Variants in ARL13B observed in about 807,000 individuals in gnomAD.
ARL13B encodes the protein ARF like GTPase 13B.
A neutral mutation model predicts 56.1 loss-of-function variants in ARL13B; 36 were observed. The observed-to-expected ratio is 0.64, with a 90% confidence interval of 0.49 to 0.85. The LOEUF (loss-of-function observed/expected upper bound fraction) is 0.85, where lower values mean the gene tolerates loss of function less well. Ranked by LOEUF, ARL13B falls within the 40% of genes least tolerant of loss-of-function variation. The pLI is 0.00. For synonymous variants in ARL13B, 178 were observed against 171.1 expected (o/e 1.04, Z -0.32); for missense variants, 519 against 507.1 (o/e 1.02, Z -0.23).
chr3:93,999,296 C>T (rs868518275), intron 2 of ARL13B, among the ~76,000 whole-genome samples: 2 of 151,730 alleles, frequency 1.3e-5, no homozygotes, highest in African/African-American at 2.4e-5. Flanking sequence ...GGCTGGAGTT[C>T]GGTGGCGTGA....
intron 8 of ARL13B, among the ~76,000 whole-genome samples, chr3:94,050,386 G>T (rs966797962): frequency 6.6e-6 from 1 of 151,988 alleles, no homozygotes; most frequent in Non-Finnish European, 1.5e-5. Context: ...CCTACTATAG[G>T]TGGTCAGTAA....
At chr3:94,042,018 C>T (rs1576039253) in intron 6 of ARL13B, among the ~76,000 whole-genome samples, 1 of 152,202 alleles carries the variant, frequency 6.6e-6, no homozygotes, top group East Asian at 1.9e-4. Context: ...GATCGTGCCA[C>T]TGCACTCCAG....
rs763612674 is a variant in ARL13B at position 94,039,981 on chromosome 3, T to C, written c.791T>C (p.Ile264Thr). The C allele has an allele frequency of 6.2e-7, 1 of 1,613,750 alleles. No homozygotes were observed. The highest frequency in any genetic ancestry group is 8.5e-7 in the Non-Finnish European group (1 of 1,179,750). ...TNPFQPIASV[I>T]IENEGKLERE... ...CCTTTCCAGCCAATAGCATCTGTAA[T>C]CATTGAGGTATGAATGATGGCAAAT... The change falls in exon 6 of 10, where the codon ATC (isoleucine) becomes ACC (threonine). Residue 264 changes from isoleucine (I) to threonine (T), a missense_variant. Transcript: ENST00000394222.
intron 1 of ARL13B, among the ~76,000 whole-genome samples, chr3:93,985,196 T>C (rs1710396801): frequency 6.6e-6 from 1 of 152,224 alleles, no homozygotes; most frequent in South Asian, 2.1e-4. Context: ...GCAATCTATT[T>C]AGCTTATAGG....
chr3:93,994,415 T>A (rs1222138273), intron 1 of ARL13B, among the ~76,000 whole-genome samples: 1 of 144,754 alleles, frequency 6.9e-6, no homozygotes, highest in African/African-American at 2.6e-5. Context: ...CTTGATCCCT[T>A]GTACCCTGCT....
intron 5 of ARL13B, 133 bp from the exon 6 acceptor site, chr3:94,039,747 C>T: frequency 1.4e-6 from 1 of 713,692 alleles, no homozygotes; most frequent in South Asian, 1.9e-5. Flanking sequence ...TTTTGAAATG[C>T]TCTCAGTAAT....
intron 5 of ARL13B, among the ~76,000 whole-genome samples, chr3:94,039,563 G>A (rs1217465725): frequency 6.6e-6 from 1 of 151,036 alleles, no homozygotes; most frequent in East Asian, 1.9e-4. Context: ...GGACAGCATT[G>A]ATTTTGGAGG....
At chr3:93,999,832 A>C (rs2076024760) in intron 2 of ARL13B, among the ~76,000 whole-genome samples, 1 of 152,238 alleles carries the variant, frequency 6.6e-6, no homozygotes, top group South Asian at 2.1e-4. Flanking sequence ...TGGTTCAACA[A>C]GATAGATGTT....
chr3:94,039,499 CAAAAA>C (rs11437061), intron 5 of ARL13B, among the ~76,000 whole-genome samples: 2 of 65,282 alleles, frequency 3.1e-5, no homozygotes. Flanking sequence ...GACTCCGACT[CAAAAA>C]AAAAAAAAAA....
At chr3:93,999,053 A>G (rs1196180490) in intron 2 of ARL13B, among the ~76,000 whole-genome samples, 1 of 150,584 alleles carries the variant, frequency 6.6e-6, no homozygotes, top group Non-Finnish European at 1.5e-5. Context: ...TCTTTTATCT[A>G]TGATGTCACA....
intron 6 of ARL13B, among the ~76,000 whole-genome samples, chr3:94,041,552 C>G (rs1247154361): frequency 6.6e-6 from 1 of 152,060 alleles, no homozygotes; most frequent in Non-Finnish European, 1.5e-5. Flanking sequence ...GTGGATAGAT[C>G]TTATACTACC....
At chr3:94,000,756 C>T (rs1198732252) in intron 2 of ARL13B, among the ~76,000 whole-genome samples, 1 of 151,888 alleles carries the variant, frequency 6.6e-6, no homozygotes, top group Non-Finnish European at 1.5e-5. Context: ...AAGAAATGCT[C>T]AAAAATTTAT....
At chr3:93,990,495 T>A (rs1044815202) in intron 1 of ARL13B, among the ~76,000 whole-genome samples, 5 of 152,186 alleles carry the variant, frequency 3.3e-5, no homozygotes, top group African/African-American at 1.2e-4. Flanking sequence ...ATAAAATATT[T>A]TAAATAATTT....
chr3:93,984,084 G>A (rs1443997365), intron 1 of ARL13B, among the ~76,000 whole-genome samples: 5 of 152,334 alleles, frequency 3.3e-5, no homozygotes, highest in East Asian at 1.9e-4. Context: ...GGCGGAGCAC[G>A]GTGGCTCACG....
intron 2 of ARL13B, chr3:93,996,574 C>G: frequency 4.9e-6 from 2 of 405,166 alleles, no homozygotes; most frequent in African/African-American, 2.1e-5. Context: ...GATGGGGTCT[C>G]CCTATGTTGC....
At chr3:93,996,530 TA>T in intron 2 of ARL13B, 1 of 296,350 alleles carries the variant, frequency 3.4e-6, no homozygotes, top group South Asian at 3.0e-5. Flanking sequence ...TTTTTTTTTT[TA>T]ATTTTTAATT....
intron 3 of ARL13B, among the ~76,000 whole-genome samples, chr3:94,023,798 A>G (rs2076500031): frequency 6.6e-6 from 1 of 152,064 alleles, no homozygotes; most frequent in African/African-American, 2.4e-5. Flanking sequence ...GTATTATGTT[A>G]CTAATATACA....
At chr3:93,996,412 A>G (rs1282293555) in intron 2 of ARL13B, 1 of 172,688 alleles carries the variant, frequency 5.8e-6, no homozygotes, top group African/African-American at 2.4e-5. Flanking sequence ...AATCTATATC[A>G]TTAAACGGCT....
chr3:94,029,334 A>ATATATTTTTT (rs2076625062), intron 3 of ARL13B, among the ~76,000 whole-genome samples: 1 of 53,436 alleles, frequency 1.9e-5, no homozygotes, highest in African/African-American at 9.3e-5. Flanking sequence ...ATATATATAT[A>ATATATTTTTT]TTTATTTTTT....
Sources: allele counts gnomAD v4.1 joint callset (sites outside exome capture counted in the v4.1 genomes callset), GRCh38; gene constraint gnomAD v4.1.1; transcripts MANE v1.5; gene names NCBI Gene and HGNC (gene_info 2026-07-23, HGNC 2026-07-21).